Variants in SPACA7 observed in about 807,000 individuals in gnomAD.
The protein encoded by SPACA7 is sperm acrosome associated 7.
In SPACA7, 19 loss-of-function variants were observed where a neutral mutation model predicts 26.3. The ratio of observed to expected loss-of-function variants is 0.72; its 90% CI spans 0.50 to 1.06. SPACA7 has a LOEUF of 1.06. Among genes scored for constraint, SPACA7 ranks in the 50% least tolerant of loss-of-function variants. The pLI, the probability that SPACA7 is intolerant of heterozygous loss-of-function variation, is 0.00. For missense variants in SPACA7, 211 were observed against 229.9 expected (o/e 0.92, Z 0.53); for synonymous variants, 84 against 84.5 (o/e 0.99, Z 0.04).
chr13:112,392,001 A>G (rs1174690351), intron 1 of SPACA7, among the ~76,000 whole-genome samples: 1 of 152,170 alleles, frequency 6.6e-6, no homozygotes, highest in African/African-American at 2.4e-5. Flanking sequence ...AGCCATTTGG[A>G]AATCAGCTTT....
intron 5 of SPACA7, among the ~76,000 whole-genome samples, chr13:112,403,863 C>G (rs1277450312): frequency 6.6e-6 from 1 of 152,160 alleles, no homozygotes; most frequent in Non-Finnish European, 1.5e-5. Context: ...TTTGCAATTG[C>G]AAATTGTGCT....
intron 5 of SPACA7, among the ~76,000 whole-genome samples, chr13:112,424,859 G>A (rs1383328232): frequency 2.0e-5 from 3 of 152,058 alleles, no homozygotes; most frequent in African/African-American, 7.2e-5. Flanking sequence ...GGTATTTCTC[G>A]GTACATCCAT....
intron 5 of SPACA7, among the ~76,000 whole-genome samples, chr13:112,402,599 C>T (rs1409005081): frequency 1.3e-5 from 2 of 152,106 alleles, no homozygotes; most frequent in Non-Finnish European, 2.9e-5. Context: ...GCATTCTTGC[C>T]TTGTTCATGG....
At chr13:112,423,862 C>T (rs979471798) in intron 5 of SPACA7, among the ~76,000 whole-genome samples, 2 of 152,108 alleles carry the variant, frequency 1.3e-5, no homozygotes, top group African/African-American at 4.8e-5. Flanking sequence ...CGGTTATTTC[C>T]ACAGAAAACA....
At chr13:112,426,238 C>T (rs1258863345) in intron 5 of SPACA7, among the ~76,000 whole-genome samples, 2 of 152,196 alleles carry the variant, frequency 1.3e-5, no homozygotes. Flanking sequence ...CATATATGTG[C>T]AAGTCTGTTT....
At chr13:112,406,330 A>G (rs1002684201) in intron 5 of SPACA7, among the ~76,000 whole-genome samples, 28 of 152,114 alleles carry the variant, frequency 1.8e-4, no homozygotes, top group Non-Finnish European at 5.9e-5. Context: ...TGCCTCATAT[A>G]AGTGGAATCA....
At chr13:112,406,120 C>A (rs1434460017) in intron 5 of SPACA7, among the ~76,000 whole-genome samples, 1 of 152,116 alleles carries the variant, frequency 6.6e-6, no homozygotes, top group African/African-American at 2.4e-5. Context: ...GCCATGGTAA[C>A]CATTTTTAAC....
At chr13:112,381,834 T>C (rs577001170) in intron 1 of SPACA7, among the ~76,000 whole-genome samples, 1 of 152,260 alleles carries the variant, frequency 6.6e-6, no homozygotes, top group Admixed American at 6.5e-5. Flanking sequence ...ATGAGCCACT[T>C]TATCCATCTG....
chr13:112,412,729 A>G (rs1886429236), intron 5 of SPACA7, among the ~76,000 whole-genome samples: 1 of 152,042 alleles, frequency 6.6e-6, no homozygotes. Flanking sequence ...TTTCAAATGT[A>G]TGTTCTTAGT....
At chr13:112,409,881 A>G (rs375859675) in intron 5 of SPACA7, among the ~76,000 whole-genome samples, 17 of 152,320 alleles carry the variant, frequency 1.1e-4, no homozygotes, top group East Asian at 3.9e-4. Flanking sequence ...TACCCAAAGG[A>G]TTGTAAATCA....
chr13:112,395,374 G>A (rs1314733270), intron 2 of SPACA7, among the ~76,000 whole-genome samples: 1 of 152,264 alleles, frequency 6.6e-6, no homozygotes, highest in Non-Finnish European at 1.5e-5. Context: ...GGCTGCCTGA[G>A]TCGTTGCTAG....
chr13:112,383,986 A>C (rs2138875571), intron 1 of SPACA7, among the ~76,000 whole-genome samples: 1 of 152,386 alleles, frequency 6.6e-6, no homozygotes, highest in African/African-American at 2.4e-5. Flanking sequence ...AATTTTGTTC[A>C]CAGGAGTATA....
chr13:112,430,168 C>G (rs1208340638), intron 5 of SPACA7, among the ~76,000 whole-genome samples: 45 of 115,956 alleles, frequency 3.9e-4, no homozygotes, highest in African/African-American at 1.0e-3. Flanking sequence ...CCTTGCATCT[C>G]TCTCTCTGTG....
Position 112,385,636 on chromosome 13 carries a change from G to A in SPACA7, c.95-7385G>A, listed in dbSNP as rs535058210. Among the ~76,000 whole-genome samples, 40 of 152,160 alleles carry A rather than the reference G, an allele frequency of 2.6e-4. No individual in the cohort carries two copies. In the South Asian group the frequency reaches 8.3e-3, roughly 32 times the overall value. ...AAATAGTTTGACCTTAAAACATTTA[G>A]CAAATCTGATATTTGACCTTAATTT... On this transcript the variant is annotated intron_variant, in intron 1 of 6. Coordinates refer to ENST00000283550, the MANE Select transcript of SPACA7 (RefSeq NM_145248.5).
chr13:112,411,920 T>C (rs1886378339), intron 5 of SPACA7, among the ~76,000 whole-genome samples: 1 of 152,178 alleles, frequency 6.6e-6, no homozygotes, highest in Admixed American at 6.6e-5. Context: ...TGTAGAGATT[T>C]CTTTGATGTA....
chr13:112,407,308 C>T (rs1193932731), intron 5 of SPACA7, among the ~76,000 whole-genome samples: 1 of 152,100 alleles, frequency 6.6e-6, no homozygotes, highest in Non-Finnish European at 1.5e-5. Context: ...ATGAAAAGAA[C>T]TAGAGAAGCA....
intron 1 of SPACA7, among the ~76,000 whole-genome samples, chr13:112,381,021 G>A (rs990220012): frequency 6.6e-6 from 1 of 152,060 alleles, no homozygotes. Context: ...TTTGTTAACA[G>A]ACTCAAATAC....
chr13:112,434,179 A>G (rs61196313), intron 6 of SPACA7, among the ~76,000 whole-genome samples: 125 of 152,248 alleles, frequency 8.2e-4, no homozygotes, highest in African/African-American at 2.5e-3. Flanking sequence ...GCCGGCCGCC[A>G]TGAGGGGAGG....
At chr13:112,409,145 G>GA (rs1179489064) in intron 5 of SPACA7, among the ~76,000 whole-genome samples, 1 of 152,204 alleles carries the variant, frequency 6.6e-6, no homozygotes, top group Non-Finnish European at 1.5e-5. Flanking sequence ...ATGGTGCTGG[G>GA]AAAACTGACT....
Sources: gnomAD v4.1 joint callset for allele counts (sites outside exome capture counted in the v4.1 genomes callset) on GRCh38, gnomAD v4.1.1 for gene constraint, MANE v1.5 for transcripts, NCBI Gene and HGNC (gene_info 2026-07-23, HGNC 2026-07-21) for gene names.